Variants in EVI2A observed in about 807,000 individuals in gnomAD.
EVI2A encodes protein EVI2A.
In EVI2A, 11 loss-of-function variants were observed where a neutral mutation model predicts 13.0. The observed-to-expected ratio is 0.85, with a 90% CI of 0.53 to 1.40. The LOEUF (loss-of-function observed/expected upper bound fraction) is 1.40. EVI2A is among the 40% of genes most tolerant of loss of function. The pLI, the probability that EVI2A is intolerant of heterozygous loss-of-function variation, is 0.00. For synonymous variants in EVI2A, 89 were observed against 98.0 expected (o/e 0.91, Z 0.54); for missense variants, 267 against 279.5 (o/e 0.96, Z 0.32).
At position 31,317,373 on chromosome 17, in the gene EVI2A, A is replaced by G. The variant is rs1169004973; in HGVS notation, c.*930T>C. ...TATGCAGTTTTCCAGATTTGAACAC[A>G]CACACACACACACACACACACACAC... On this transcript the variant is annotated 3_prime_UTR_variant, in exon 2 of 2. Coordinates refer to ENST00000462804, the MANE Select transcript of EVI2A (RefSeq NM_014210.4). Among the ~76,000 whole-genome samples, 3 of 145,294 alleles carry G rather than the reference A, an allele frequency of 2.1e-5. No individual in the cohort carries two copies. Among genetic ancestry groups the G allele is most frequent in the Non-Finnish European group, 4.5e-5 (3 of 67,346 alleles).
At position 31,318,744 on chromosome 17, in the gene EVI2A, A is replaced by G; in HGVS notation, c.270T>C (p.Ser90=). The G allele has an allele frequency of 1.2e-6, 2 of 1,614,096 alleles. No homozygotes were observed. The highest frequency in any genetic ancestry group is 1.7e-6 in the Non-Finnish European group (2 of 1,179,986). The change falls in exon 2 of 2, where the codon TCT becomes TCC. Residue 90 remains serine, a synonymous_variant. Transcript: ENST00000462804. ...TSHIVALTSK[S]EQELYIPSVV... Reference sequence around the variant, plus strand: ...CAGAAGGTATATAAAGCTCCTGTTCAGATTTAGAAGTTAAAGCTACGATGT... The same window carrying G: ...CAGAAGGTATATAAAGCTCCTGTTCGGATTTAGAAGTTAAAGCTACGATGT...
intron 1 of EVI2A, 68 bp from the exon 2 acceptor site, chr17:31,319,091 G>C (rs2151527878): frequency 1.4e-6 from 2 of 1,472,354 alleles, no homozygotes; most frequent in African/African-American, 1.4e-5. Context: ...GGTAATTGTA[G>C]TTAAAAGATA....
intron 1 of EVI2A, 126 bp from the exon 2 acceptor site, chr17:31,319,149 T>G: frequency 1.0e-6 from 1 of 955,340 alleles, no homozygotes; most frequent in Non-Finnish European, 1.5e-6. Flanking sequence ...TAATATTCGC[T>G]ACCCTGAATT....
At chr17:31,320,946 A>G (rs953678731) in intron 1 of EVI2A, 2 of 152,608 alleles carry the variant, frequency 1.3e-5, no homozygotes, top group African/African-American at 4.8e-5. Context: ...ACACATTTTA[A>G]CAGTGCTTAC....
At chr17:31,320,461 A>G (rs765657549) in intron 1 of EVI2A, 2 of 1,598,404 alleles carry the variant, frequency 1.3e-6, no homozygotes, top group Admixed American at 1.7e-5. Flanking sequence ...GCTTTTGAAC[A>G]TCAAGGTTTT....
At chr17:31,321,032 T>C (rs1353251087) in intron 1 of EVI2A, 2 of 152,200 alleles carry the variant, frequency 1.3e-5, no homozygotes, top group Non-Finnish European at 2.9e-5. Context: ...ACAAACTGTA[T>C]GACAAAATGA....
chr17:31,320,343 TAAAAA>T, intron 1 of EVI2A: 5 of 1,176,230 alleles, frequency 4.3e-6, no homozygotes, highest in South Asian at 3.4e-5. Flanking sequence ...TCCTTTTATT[TAAAAA>T]AAAAAAAAAA....
Position 31,318,530 on chromosome 17 carries a change from T to C in EVI2A, c.484A>G (p.Lys162Glu), listed in dbSNP as rs1313536827. Residue 162 changes from lysine (K) to glutamate (E), a missense_variant, in exon 2 of 2, where the codon AAA (lysine) becomes GAA (glutamate). By Grantham distance (56) the Lys-to-Glu change is moderately conservative. Transcript: ENST00000462804. ...LFLSTVVLAN[K>E]VSSLRRSKQV... ...TTTGATCGTCTGAGAGAAGAGACTT[T>C]GTTTGCCAAAACCACAGTTGATAGA... The C allele has an allele frequency of 6.2e-7, 1 of 1,614,104 alleles. No homozygotes were observed. The highest frequency in any genetic ancestry group is 1.7e-5 in the Admixed American group (1 of 59,966).
In EVI2A at chr17:31,318,164, G is replaced by C. The variant is rs1385484774; in HGVS notation, c.*139C>G. 9.7e-7 allele frequency: 1 copy of C among 1,032,404 alleles called. No homozygotes were observed. 64.0% of individuals were successfully genotyped at this position (1,032,404 alleles called of 1,614,324 possible). A position where few individuals can be genotyped will look rare whatever the true frequency, so the allele number is the denominator to read the frequency against. On this transcript the variant is annotated 3_prime_UTR_variant, in exon 2 of 2. Transcript: ENST00000462804. ...TAATTAAGCAGGCATACTTCTCCCT[G>C]TCTCACCTGCTTGATTCTAAATTGC... is the stretch of plus-strand genomic sequence containing the variant.
At chr17:31,321,375 A>G (rs1455129835) in intron 1 of EVI2A, 120 bp downstream of exon 1, 3 of 152,194 alleles carry the variant, frequency 2.0e-5, no homozygotes, top group African/African-American at 7.2e-5. Context: ...ATACATTTTC[A>G]GTCACAATTC....
Position 31,320,343 on chromosome 17 carries a change from T to TAA in EVI2A, c.-11+1150_-11+1151dup, listed in dbSNP as rs74877638. 3.5e-3 allele frequency: 4,084 copies of TAA among 1,170,674 alleles called. 9 individuals carry two copies. The highest frequency in any genetic ancestry group is 0.015 in the African/African-American group (918 of 62,808). The allele number at this position is 1,170,674 out of a possible 1,614,324, so 72.5% of individuals were successfully genotyped here. On this transcript the variant is annotated intron_variant, in intron 1 of 1. Transcript: ENST00000462804. ...AAATGTACTTAGGAGTCCTTTTATTTAAAAAAAAAAAAAAAAGGCAGATTC... is the reference window on the plus strand; with the variant it reads ...AAATGTACTTAGGAGTCCTTTTATTTAAAAAAAAAAAAAAAAAAGGCAGATTC...
chr17:31,318,509 A>G lies in EVI2A; in HGVS notation c.505T>C (p.Ser169Pro), dbSNP rs1162332025. ...LANKVSSLRR[S>P]KQVGKRQPRS... is the part of the protein sequence containing the mutation. ...GGCTGACGCTTGCCTACTTGTTTTG[A>G]TCGTCTGAGAGAAGAGACTTTGTTT... is the stretch of plus-strand genomic sequence containing the variant. Residue 169 changes from serine (S) to proline (P), a missense_variant, in exon 2 of 2, where the codon TCA becomes CCA. Physicochemically the swap from Ser to Pro is moderately conservative, Grantham distance 74. Coordinates refer to ENST00000462804, the MANE Select transcript of EVI2A (RefSeq NM_014210.4). The G allele has an allele frequency of 6.2e-7, 1 of 1,613,926 alleles. No individual in the cohort carries two copies.
rs922895646 is a variant in EVI2A, at chr17:31,318,488, G to A, written c.526C>T (p.Gln176Ter). ...LRRSKQVGKR[Q>*]PRSNGDFLAS... ...AGAAAATCGCCATTGCTTCTAGGCT[G>A]ACGCTTGCCTACTTGTTTTGATCGT... The change falls in exon 2 of 2, where the codon CAG becomes TAG. Residue 176 changes from glutamine (Q) to a stop codon, truncating the protein, a stop_gained. Coordinates refer to ENST00000462804, the MANE Select transcript of EVI2A (RefSeq NM_014210.4). LOFTEE classifies it high-confidence loss of function. 83 of 1,613,900 alleles carry A rather than the reference G, an allele frequency of 5.1e-5. No individual in the cohort carries two copies. Among genetic ancestry groups the A allele is most frequent in the Non-Finnish European group, 6.2e-5 (73 of 1,180,010 alleles).
Position 31,316,668 on chromosome 17 carries a change from C to T in EVI2A, c.*1635G>A, listed in dbSNP as rs2069027818. On this transcript the variant is annotated 3_prime_UTR_variant, in exon 2 of 2. Coordinates refer to ENST00000462804, the MANE Select transcript of EVI2A (RefSeq NM_014210.4). Reference sequence around the variant, plus strand: ...AAGTCTGCCCAGTTTCATTTCTAATCTGGGTTATTTTTCCCCTCAAAAGAT... The same window carrying T: ...AAGTCTGCCCAGTTTCATTTCTAATTTGGGTTATTTTTCCCCTCAAAAGAT... 6.6e-6 allele frequency among the ~76,000 whole-genome samples: 1 copy of T among 152,144 alleles called. No homozygotes were observed. Among genetic ancestry groups the T allele is most frequent in the Non-Finnish European group, 1.5e-5 (1 of 68,016 alleles).
In EVI2A at chr17:31,317,008, G is replaced by A. The variant is rs536028438; in HGVS notation, c.*1295C>T. Among the ~76,000 whole-genome samples, 4 of 152,086 alleles carry A rather than the reference G, an allele frequency of 2.6e-5. No homozygotes were observed. The highest frequency in any genetic ancestry group is 4.4e-5 in the Non-Finnish European group (3 of 68,006). On this transcript the variant is annotated 3_prime_UTR_variant, in exon 2 of 2. Coordinates refer to ENST00000462804, the MANE Select transcript of EVI2A (RefSeq NM_014210.4). ...AGGAAGACATGGGAATTAGGCATTG[G>A]TGTTTTTTAAAAACTCTTCAGGTGA...
In EVI2A at chr17:31,318,136, A is replaced by T; in HGVS notation, c.*167T>A. ...GTGTCAAAACAAAAGTACACAGTTT[A>T]AATAATTAAGCAGGCATACTTCTCC... is the stretch of plus-strand genomic sequence containing the variant. On this transcript the variant is annotated 3_prime_UTR_variant, in exon 2 of 2. Transcript: ENST00000462804. The T allele has an allele frequency of 1.3e-6, 1 of 766,934 alleles. No individual in the cohort carries two copies. The highest frequency in any genetic ancestry group is 2.0e-6 in the Non-Finnish European group (1 of 497,798). The allele number at this position is 766,934 out of a possible 1,614,324, so 47.5% of individuals were successfully genotyped here.
chr17:31,321,000 A>T (rs913039684), intron 1 of EVI2A: 3 of 152,268 alleles, frequency 2.0e-5, no homozygotes, highest in African/African-American at 4.8e-5. Context: ...CTTCAGCCAG[A>T]TGTACTGCAG....
At chr17:31,320,161 A>G (rs1360228114) in intron 1 of EVI2A, among the ~76,000 whole-genome samples, 1 of 152,138 alleles carries the variant, frequency 6.6e-6, no homozygotes, top group East Asian at 1.9e-4. Flanking sequence ...GTATCTTATA[A>G]TAATATACCA....
intron 1 of EVI2A, chr17:31,320,271 G>A (rs2069146670): frequency 2.3e-6 from 2 of 854,182 alleles, no homozygotes; most frequent in East Asian, 2.8e-5. Context: ...TTTACTAAAT[G>A]AAATTGCCTG....
Sources: allele counts gnomAD v4.1 joint callset (sites outside exome capture counted in the v4.1 genomes callset), GRCh38; gene constraint gnomAD v4.1.1; transcripts MANE v1.5; gene names NCBI Gene and HGNC (gene_info 2026-07-23, HGNC 2026-07-21).